Variants in CRACD observed in about 807,000 individuals in gnomAD.
The protein encoded by CRACD is capping protein-inhibiting regulator of actin dynamics.
A neutral mutation model predicts 106.8 loss-of-function variants in CRACD; 56 were observed. The observed-to-expected ratio is 0.52, with a 90% CI of 0.42 to 0.66. CRACD has a LOEUF of 0.66. CRACD is among the 30% of genes least tolerant of loss of function. The pLI, the probability that CRACD is intolerant of heterozygous loss-of-function variation, is 0.00. For synonymous variants in CRACD, 754 were observed against 670.8 expected, an observed-to-expected ratio of 1.12 and a Z score of -1.92; for missense variants, 1,730 against 1,623.2, an observed-to-expected ratio of 1.07 and a Z score of -1.13.
chr4:56,134,663 TC>T (rs34914209), intron 1 of CRACD, among the ~76,000 whole-genome samples: 8 of 152,140 alleles, frequency 5.3e-5, no homozygotes, highest in African/African-American at 1.9e-4. Context: ...CCTCAGTATT[TC>T]CCTAAGAGAG....
intron 3 of CRACD, among the ~76,000 whole-genome samples, chr4:56,278,939 A>T (rs1046107949): frequency 6.6e-6 from 1 of 152,184 alleles, no homozygotes; most frequent in Non-Finnish European, 1.5e-5. Context: ...ACCACAAATG[A>T]GATATTATTT....
intron 8 of CRACD, among the ~76,000 whole-genome samples, chr4:56,317,545 T>C (rs1424543347): frequency 6.6e-6 from 1 of 152,198 alleles, no homozygotes; most frequent in Non-Finnish European, 1.5e-5. Flanking sequence ...CATTAACCAT[T>C]TTGAGGGGGC....
chr4:56,275,460 G>A (rs908880614), intron 3 of CRACD, among the ~76,000 whole-genome samples: 1 of 152,000 alleles, frequency 6.6e-6, no homozygotes, highest in African/African-American at 2.4e-5. Context: ...GAAAAAAAAA[G>A]TTAGAAGCAC....
chr4:56,068,925 T>G (rs1732547960), intron 1 of CRACD, among the ~76,000 whole-genome samples: 1 of 152,052 alleles, frequency 6.6e-6, no homozygotes, highest in African/African-American at 2.4e-5. Flanking sequence ...TGGTTAAACA[T>G]CTTGGGATGG....
At chr4:56,070,700 T>G (rs1412611333) in intron 1 of CRACD, among the ~76,000 whole-genome samples, 5 of 152,258 alleles carry the variant, frequency 3.3e-5, no homozygotes, top group African/African-American at 1.2e-4. Flanking sequence ...CCCAGGACAC[T>G]GGGTGCTAAA....
Position 56,226,643 on chromosome 4 carries a change from C to T in CRACD, c.-188-45678C>T, listed in dbSNP as rs114579245. 1.7e-3 allele frequency among the ~76,000 whole-genome samples: 266 copies of T among 152,158 alleles called. 1 individual carries two copies. The highest frequency in any genetic ancestry group is 4.6e-3 in the South Asian group (22 of 4,822). Reference sequence around the variant, plus strand: ...AAACCTCATGTTGAAATTTGATCCCCAGCATTGGAGGTGGGGCCTAATGTG... The same window carrying T: ...AAACCTCATGTTGAAATTTGATCCCTAGCATTGGAGGTGGGGCCTAATGTG... On this transcript the variant is annotated intron_variant, in intron 2 of 10. Coordinates refer to ENST00000682029, the MANE Select transcript of CRACD (RefSeq NM_001393381.1).
chr4:56,059,076 C>T (rs1477411766), intron 1 of CRACD, among the ~76,000 whole-genome samples: 1 of 151,972 alleles, frequency 6.6e-6, no homozygotes, highest in Admixed American at 6.6e-5. Flanking sequence ...TAAAGCAAGA[C>T]AGCAATCTCT....
At chr4:56,061,181 CTT>C (rs1212397424) in intron 1 of CRACD, among the ~76,000 whole-genome samples, 6 of 152,106 alleles carry the variant, frequency 3.9e-5, no homozygotes, top group Non-Finnish European at 8.8e-5. Flanking sequence ...CTCACTCTCT[CTT>C]TTTTTGAGGC....
chr4:56,200,347 C>G (rs1196534121), intron 2 of CRACD, among the ~76,000 whole-genome samples: 1 of 152,124 alleles, frequency 6.6e-6, no homozygotes, highest in African/African-American at 2.4e-5. Context: ...GAACCTGAGT[C>G]AGATTAGAAA....
chr4:56,274,827 C>T (rs975683676), intron 3 of CRACD, among the ~76,000 whole-genome samples: 3 of 152,170 alleles, frequency 2.0e-5, no homozygotes, highest in African/African-American at 7.2e-5. Flanking sequence ...AAGCCACACG[C>T]ATGCAAATGT....
At chr4:56,319,150 A>G (rs940990119) in intron 8 of CRACD, among the ~76,000 whole-genome samples, 4 of 152,184 alleles carry the variant, frequency 2.6e-5, no homozygotes, top group African/African-American at 7.2e-5. Context: ...CCCATATGCT[A>G]AATTCAAGAA....
chr4:56,301,720 T>G (rs1200930607), intron 4 of CRACD, among the ~76,000 whole-genome samples: 1 of 151,550 alleles, frequency 6.6e-6, no homozygotes, highest in African/African-American at 2.4e-5. Flanking sequence ...AGTTTGCAGG[T>G]TGGTATCTCT....
At chr4:56,214,681 C>CTCTCTCTCTA in intron 2 of CRACD, among the ~76,000 whole-genome samples, 35 of 80,990 alleles carry the variant, frequency 4.3e-4, no homozygotes, top group Admixed American at 6.6e-4. Context: ...CTCTCTCTCT[C>CTCTCTCTCTA]TATATATATA....
chr4:56,099,678 A>T (rs1188523521), intron 1 of CRACD, among the ~76,000 whole-genome samples: 1 of 152,180 alleles, frequency 6.6e-6, no homozygotes, highest in Admixed American at 6.5e-5. Flanking sequence ...AAGCCAACAG[A>T]GTTCAATTTG....
chr4:56,061,060 A>C (rs1560439283), intron 1 of CRACD, among the ~76,000 whole-genome samples: 1 of 152,232 alleles, frequency 6.6e-6, no homozygotes, highest in Non-Finnish European at 1.5e-5. Context: ...GAGAGCTGTC[A>C]GAGCAGGGAG....
chr4:56,202,455 C>G (rs1202876877), intron 2 of CRACD, among the ~76,000 whole-genome samples: 5 of 152,166 alleles, frequency 3.3e-5, no homozygotes, highest in African/African-American at 9.7e-5. Flanking sequence ...TCATGTTGGC[C>G]AGGCTGGTCT....
chr4:56,157,064 A>G (rs1735785408), intron 1 of CRACD, among the ~76,000 whole-genome samples: 1 of 152,252 alleles, frequency 6.6e-6, no homozygotes, highest in Non-Finnish European at 1.5e-5. Flanking sequence ...TTAAAAAGAC[A>G]AAGAATGAAA....
chr4:56,057,919 C>T (rs1451925792), intron 1 of CRACD, among the ~76,000 whole-genome samples: 1 of 108,168 alleles, frequency 9.2e-6, no homozygotes, highest in Non-Finnish European at 1.8e-5. Context: ...CCCGGGTTCA[C>T]GCCATTCCCC....
chr4:56,245,061 C>T (rs982391369), intron 2 of CRACD, among the ~76,000 whole-genome samples: 2 of 152,176 alleles, frequency 1.3e-5, no homozygotes, highest in Non-Finnish European at 2.9e-5. Context: ...ATTCATCTTT[C>T]AAGGCCAATT....
Sources: gnomAD v4.1 joint callset for allele counts (sites outside exome capture counted in the v4.1 genomes callset) on GRCh38, gnomAD v4.1.1 for gene constraint, MANE v1.5 for transcripts, NCBI Gene and HGNC (gene_info 2026-07-23, HGNC 2026-07-21) for gene names.